NPAS3: variants seen among roughly 807,000 people sequenced by gnomAD.
NPAS3 encodes neuronal PAS domain-containing protein 3.
A neutral mutation model predicts 73.1 loss-of-function variants in NPAS3; 14 were observed. The observed-to-expected ratio is 0.19, with a 90% confidence interval of 0.13 to 0.30. The LOEUF (loss-of-function observed/expected upper bound fraction) is 0.30. NPAS3 is among the 10% of genes least tolerant of loss of function. The pLI, the probability that NPAS3 is intolerant of heterozygous loss-of-function variation, is 1.00. For missense variants in NPAS3, 1,096 were observed against 1,250.0 expected (o/e 0.88, Z 1.86); for synonymous variants, 620 against 541.5 (o/e 1.14, Z -2.01).
intron 2 of NPAS3, among the ~76,000 whole-genome samples, chr14:33,103,769 A>C (rs376913519): frequency 6.6e-6 from 1 of 152,124 alleles, no homozygotes; most frequent in South Asian, 2.1e-4. Context: ...GCACAGGATG[A>C]CTTTGTCCGG....
At chr14:33,380,806 G>A (rs2046514081) in intron 4 of NPAS3, among the ~76,000 whole-genome samples, 1 of 152,082 alleles carries the variant, frequency 6.6e-6, no homozygotes, top group South Asian at 2.1e-4. Flanking sequence ...TACAGGAATT[G>A]TCAGGTCGGA....
In NPAS3 at chr14:33,800,850, C is replaced by T; in HGVS notation, c.2543C>T (p.Ala848Val). ...ATGCAGAGCAACCTGCTGCCCAACGCGCACGCTGTTAACTTCGTGGACGTT... is the reference window on the plus strand; with the variant it reads ...ATGCAGAGCAACCTGCTGCCCAACGTGCACGCTGTTAACTTCGTGGACGTT... Residue 848 changes from alanine (A) to valine (V), a missense_variant, in exon 12 of 12, where the codon GCG (alanine) becomes GTG (valine). Ala to Val is a moderately conservative substitution (Grantham distance 64). Transcript: ENST00000356141. The surrounding 1 kb of genome is among the most constrained non-coding windows in gnomAD (Gnocchi z 6.5). 6.2e-7 allele frequency: 1 copy of T among 1,604,986 alleles called. No individual in the cohort carries two copies. The highest frequency in any genetic ancestry group is 8.5e-7 in the Non-Finnish European group (1 of 1,176,248).
chr14:33,359,910 T>C (rs1357634910), intron 3 of NPAS3, among the ~76,000 whole-genome samples: 1 of 152,166 alleles, frequency 6.6e-6, no homozygotes, highest in Admixed American at 6.5e-5. Context: ...GAGGAAAGTG[T>C]TCACTGAAAG....
chr14:33,575,149 T>C (rs183970246), intron 5 of NPAS3, among the ~76,000 whole-genome samples: 2 of 152,336 alleles, frequency 1.3e-5, no homozygotes, highest in South Asian at 2.1e-4. Context: ...ATGGATTCCA[T>C]TGTAGACCAA....
At chr14:33,148,744 T>G (rs1337572514) in intron 2 of NPAS3, among the ~76,000 whole-genome samples, 2 of 152,160 alleles carry the variant, frequency 1.3e-5, no homozygotes, top group East Asian at 3.9e-4. Flanking sequence ...TAGGTTATAG[T>G]GGCGTGATCA....
intron 4 of NPAS3, among the ~76,000 whole-genome samples, chr14:33,374,548 T>G (rs775128913): frequency 2.6e-5 from 4 of 152,140 alleles, no homozygotes; most frequent in Non-Finnish European, 5.9e-5. Context: ...ATCTTATTTA[T>G]GTATTTGTTA....
At position 33,260,698 on chromosome 14, in the gene NPAS3, C is replaced by T. The variant is rs10132847; in HGVS notation, c.385+45272C>T. 7.8e-3 allele frequency among the ~76,000 whole-genome samples: 1,187 copies of T among 152,248 alleles called. 27 individuals carry two copies. The highest frequency in any genetic ancestry group is 0.027 in the African/African-American group (1,137 of 41,552). On this transcript the variant is annotated intron_variant, in intron 3 of 11. Transcript: ENST00000356141. ...ATAACAGTTTTGTCCTGGTCTTCCTCATTTCCTGTCTGTACAAACCAAATA... is the reference window on the plus strand; with the variant it reads ...ATAACAGTTTTGTCCTGGTCTTCCTTATTTCCTGTCTGTACAAACCAAATA...
At chr14:33,226,178 CA>C (rs1486281178) in intron 3 of NPAS3, among the ~76,000 whole-genome samples, 5 of 152,112 alleles carry the variant, frequency 3.3e-5, no homozygotes, top group Non-Finnish European at 7.4e-5. Context: ...GCAAATGATC[CA>C]GACTAAGGCT....
chr14:33,654,878 C>G (rs2059098880), intron 5 of NPAS3, among the ~76,000 whole-genome samples: 1 of 152,148 alleles, frequency 6.6e-6, no homozygotes, highest in African/African-American at 2.4e-5. Context: ...ATGAAGATCA[C>G]CACGTGTTCC....
At chr14:33,426,036 A>C (rs1300190995) in intron 4 of NPAS3, among the ~76,000 whole-genome samples, 3 of 152,076 alleles carry the variant, frequency 2.0e-5, no homozygotes, top group Non-Finnish European at 2.9e-5. Context: ...GAGAGGACTT[A>C]TATTCACTGA....
intron 2 of NPAS3, among the ~76,000 whole-genome samples, chr14:33,129,766 T>G (rs1040377877): frequency 3.9e-5 from 6 of 152,154 alleles, no homozygotes; most frequent in African/African-American, 1.4e-4. Context: ...GTAGAAGATT[T>G]TATCTTTAAA....
chr14:33,066,822 A>G (rs1439504203), intron 2 of NPAS3, among the ~76,000 whole-genome samples: 1 of 152,164 alleles, frequency 6.6e-6, no homozygotes, highest in Non-Finnish European at 1.5e-5. Flanking sequence ...GTTACCTTTC[A>G]GGGGCCCCAT....
intron 4 of NPAS3, among the ~76,000 whole-genome samples, chr14:33,464,916 C>T (rs1256014764): frequency 6.6e-6 from 1 of 152,148 alleles, no homozygotes; most frequent in African/African-American, 2.4e-5. Context: ...ACAGTAAGCA[C>T]TCAGTTAATG....
intron 5 of NPAS3, among the ~76,000 whole-genome samples, chr14:33,649,413 A>C (rs1169963094): frequency 2.6e-5 from 4 of 152,214 alleles, no homozygotes; most frequent in African/African-American, 4.8e-5. Flanking sequence ...GCCCTTCAAA[A>C]TCTGACTTAG....
chr14:33,312,219 C>A lies in NPAS3; in HGVS notation c.386-54967C>A, dbSNP rs1261533337. 2.7e-5 allele frequency among the ~76,000 whole-genome samples: 4 copies of A among 150,362 alleles called. No homozygotes were observed. In the Admixed American group the frequency reaches 2.7e-4, roughly 10 times the overall value. Reference sequence around the variant, plus strand: ...TAATTATTACTTACTATGGATATTGCTACTACTGGTATTTTTTTCTATTTA... The same window carrying A: ...TAATTATTACTTACTATGGATATTGATACTACTGGTATTTTTTTCTATTTA... On this transcript the variant is annotated intron_variant, in intron 3 of 11. Transcript: ENST00000356141.
chr14:33,358,502 C>T (rs1239178818), intron 3 of NPAS3, among the ~76,000 whole-genome samples: 2 of 152,108 alleles, frequency 1.3e-5, no homozygotes, highest in Admixed American at 6.5e-5. Flanking sequence ...ATCCCAGGGT[C>T]CTGGCCATGA....
At chr14:33,441,836 G>A (rs1453685164) in intron 4 of NPAS3, among the ~76,000 whole-genome samples, 1 of 152,064 alleles carries the variant, frequency 6.6e-6, no homozygotes, top group African/African-American at 2.4e-5. Flanking sequence ...ACCAGTGCAG[G>A]GAAACTCCCC....
At chr14:33,037,295 C>T (rs898782315) in intron 1 of NPAS3, among the ~76,000 whole-genome samples, 28 of 151,898 alleles carry the variant, frequency 1.8e-4, no homozygotes, top group Admixed American at 1.2e-3. Flanking sequence ...CCAAACTTCT[C>T]GAAATTATTA....
rs375893128 is a variant in NPAS3, at chr14:33,351,911, A to G, written c.386-15275A>G. Among the ~76,000 whole-genome samples the G allele has an allele frequency of 2.0e-4, 30 of 152,214 alleles. No homozygotes were observed. In the East Asian group the frequency reaches 5.0e-3, roughly 26 times the overall value. On this transcript the variant is annotated intron_variant, in intron 3 of 11. Coordinates refer to ENST00000356141, the Ensembl canonical transcript of NPAS3. ...GGGGCCTGTTGGTGGGTGGGGGGCT[A>G]AGGGAGGGATAGCATTAGGAGAAAT...
Sources: gnomAD v4.1 joint callset for allele counts (sites outside exome capture counted in the v4.1 genomes callset) on GRCh38, gnomAD v4.1.1 for gene constraint, Gnocchi (gnomAD v3.1) non-coding constraint, MANE v1.5 for transcripts, NCBI Gene and HGNC (gene_info 2026-07-23, HGNC 2026-07-21) for gene names.